The following RELA variants were observed in gnomAD, a reference collection of about 807,000 sequenced individuals.
The protein encoded by RELA is transcription factor p65.
RELA carries 14 observed loss-of-function variants against 56.7 expected under a neutral mutation model. The observed-to-expected ratio is 0.25, with a 90% CI of 0.16 to 0.39. The LOEUF (loss-of-function observed/expected upper bound fraction) is 0.39, where lower values mean the gene tolerates loss of function less well. Ranked by LOEUF, RELA falls within the 10% of genes least tolerant of loss-of-function variation. The probability of loss-of-function intolerance (pLI) is 1.00; values close to 1 mark genes in which losing one functional copy is unlikely to be tolerated. For synonymous variants in RELA, 315 were observed against 289.7 expected, an observed-to-expected ratio of 1.09 and a Z score of -0.89; for missense variants, 559 against 736.4, an observed-to-expected ratio of 0.76 and a Z score of 2.79.
Position 65,654,195 on chromosome 11 carries a change from C to G in RELA, c.*183G>C. The G allele has an allele frequency of 1.2e-6, 1 of 818,126 alleles. No homozygotes were observed. The highest frequency in any genetic ancestry group is 2.1e-6 in the Non-Finnish European group (1 of 487,728). The allele number at this position is 818,126 out of a possible 1,614,324, so 50.7% of individuals were successfully genotyped here. On this transcript the variant is annotated 3_prime_UTR_variant, in exon 11 of 11. Transcript: ENST00000406246. ...GAAGTTAATGCTTCTGCTTAAGCAC[C>G]TCCAAAAAGAGAGAGAGATACAGAT...
At chr11:65,663,490 C>T (rs1489298276), upstream of RELA, among the ~76,000 whole-genome samples, 1 of 152,190 alleles carries the variant, frequency 6.6e-6, no homozygotes, top group Non-Finnish European at 1.5e-5. Context: ...AAGAGCTTTG[C>T]GGAGCCTACA....
Position 65,659,725 on chromosome 11 carries a change from T to C in RELA, c.500A>G (p.Asp167Gly). 1 of 1,613,854 alleles carries C rather than the reference T, an allele frequency of 6.2e-7. No homozygotes were observed. Among genetic ancestry groups the C allele is most frequent in the Non-Finnish European group, 8.5e-7 (1 of 1,179,986 alleles). ...VRLCFQVTVR[D>G]PSGRPLRLPP... ...CAGGCGGAGGGGCCTGCCTGATGGG[T>C]CCCGCACTGTCACCTGGAAGCAGAG... The change falls in exon 6 of 11, where the codon GAC becomes GGC. Residue 167 changes from aspartate (D) to glycine (G), a missense_variant. Physicochemically the swap from Asp to Gly is moderately conservative, Grantham distance 94. Coordinates refer to ENST00000406246, the MANE Select transcript of RELA (RefSeq NM_021975.4).
At chr11:65,661,419 G>A (rs192765499) in intron 4 of RELA, 7 of 374,760 alleles carry the variant, frequency 1.9e-5, no homozygotes, top group African/African-American at 4.1e-5. Context: ...AACAAGAGAC[G>A]TGACTCTGAG....
chr11:65,657,942 T>C (rs917956021), intron 8 of RELA, among the ~76,000 whole-genome samples: 9 of 152,220 alleles, frequency 5.9e-5, no homozygotes, highest in Admixed American at 5.9e-4. Flanking sequence ...AAAAGGATCC[T>C]GAAGCCAGAT....
rs1333849831 is a variant in RELA at position 65,655,009 on chromosome 11, G to A, written c.1034-9C>T. On this transcript the variant is annotated splice_polypyrimidine_tract_variant and intron_variant, in intron 10 of 10. Coordinates refer to ENST00000406246, the MANE Select transcript of RELA (RefSeq NM_021975.4). The stretch of plus-strand genomic sequence containing the variant: ...GGGATAGGGCTGGGGTGCTGGAGGA[G>A]AGAGACAGAGAGGCAGGGGTCAGAG... The A allele has an allele frequency of 3.2e-6, 5 of 1,585,480 alleles. No homozygotes were observed. Among genetic ancestry groups the A allele is most frequent in the Non-Finnish European group, 3.4e-6 (4 of 1,165,532 alleles).
intron 10 of RELA, 27 bp from the exon 11 acceptor site, chr11:65,655,027 G>C: frequency 6.4e-7 from 1 of 1,559,570 alleles, no homozygotes; most frequent in Non-Finnish European, 8.7e-7. Flanking sequence ...GAGAGGCAGG[G>C]GTCAGAGAAA....
rs1237265083 is a variant in RELA at position 65,654,591 on chromosome 11, G to A, written c.1443C>T (p.Gly481=). Reference sequence around the variant, plus strand: ...CAGTTGTGTGGGGGGCCACAGGTATGCCCTGGTTCAGCAGCTGCTGAAACT... The same window carrying A: ...CAGTTGTGTGGGGGGCCACAGGTATACCCTGGTTCAGCAGCTGCTGAAACT... ...NSEFQQLLNQ[G]IPVAPHTTEP... The change falls in exon 11 of 11, where the codon GGC becomes GGT. Residue 481 remains glycine, a synonymous_variant. Transcript: ENST00000406246. 1 of 1,613,510 alleles carries A rather than the reference G, an allele frequency of 6.2e-7. No homozygotes were observed. The highest frequency in any genetic ancestry group is 2.2e-5 in the East Asian group (1 of 44,884).
intron 6 of RELA, among the ~76,000 whole-genome samples, chr11:65,659,346 G>A (rs1565190830): frequency 6.6e-6 from 1 of 152,140 alleles, no homozygotes; most frequent in Non-Finnish European, 1.5e-5. Flanking sequence ...ACACTATCTT[G>A]TTCCTGGGAG....
Position 65,654,765 on chromosome 11 carries a change from T to C in RELA, c.1269A>G (p.Pro423=). ...LAPGPPQAVA[P]PAPKPTQAGE... ...CAGCCTGGGTGGGCTTGGGGGCAGG[T>C]GGGGCCACAGCCTGAGGAGGGCCTG... Residue 423 remains proline (P), a synonymous_variant, in exon 11 of 11, where the codon CCA becomes CCG. Coordinates refer to ENST00000406246, the MANE Select transcript of RELA (RefSeq NM_021975.4). The C allele has an allele frequency of 6.6e-7, 1 of 1,504,716 alleles. No individual in the cohort carries two copies. The highest frequency in any genetic ancestry group is 8.9e-7 in the Non-Finnish European group (1 of 1,125,456). 93.2% of individuals were successfully genotyped at this position (1,504,716 alleles called of 1,614,324 possible). A position where few individuals can be genotyped will look rare whatever the true frequency, so the allele number is the denominator to read the frequency against.
At chr11:65,656,703 G>A (rs1856438386) in intron 8 of RELA, among the ~76,000 whole-genome samples, 1 of 152,192 alleles carries the variant, frequency 6.6e-6, no homozygotes, top group African/African-American at 2.4e-5. Flanking sequence ...TAGTGAAAAA[G>A]TGAGAGGGAC....
intron 4 of RELA, among the ~76,000 whole-genome samples, chr11:65,660,996 G>A (rs938352737): frequency 6.1e-5 from 9 of 146,830 alleles, no homozygotes; most frequent in African/African-American, 1.3e-4. Flanking sequence ...CTGAGATCGC[G>A]CCACTGCACT....
In RELA at chr11:65,656,021, G is replaced by A. The variant is rs553697572; in HGVS notation, c.878-86C>T. On this transcript the variant is annotated intron_variant, in intron 8 of 10. Coordinates refer to ENST00000406246, the MANE Select transcript of RELA (RefSeq NM_021975.4). ...AAAGGTCCCTCAGGAGGAAGGGGAG[G>A]AGCCAGGCTTTCCCAAGACCCATTC... 4 of 1,141,064 alleles carry A rather than the reference G, an allele frequency of 3.5e-6. No individual in the cohort carries two copies. The African/African-American group carries it at 4.6e-5, about 13-fold the overall frequency. 70.7% of individuals were successfully genotyped at this position (1,141,064 alleles called of 1,614,324 possible).
At position 65,654,880 on chromosome 11, in the gene RELA, T is replaced by C. The variant is rs779659272; in HGVS notation, c.1154A>G (p.Gln385Arg). Residue 385 changes from glutamine (Q) to arginine (R), a missense_variant, in exon 11 of 11, where the codon CAA becomes CGA. Gln to Arg is a conservative substitution (Grantham distance 43, BLOSUM62 1). Transcript: ENST00000406246. ...QASALAPAPP[Q>R]VLPQAPAPAP... is the part of the protein sequence containing the mutation. ...AGGGGCTGGAGCCTGGGGCAGGACTTGGGGAGGGGCCGGGGCCAAGGCCGA... is the reference window on the plus strand; with the variant it reads ...AGGGGCTGGAGCCTGGGGCAGGACTCGGGGAGGGGCCGGGGCCAAGGCCGA... 2.5e-6 allele frequency: 4 copies of C among 1,575,694 alleles called. No homozygotes were observed. Among genetic ancestry groups the C allele is most frequent in the Non-Finnish European group, 3.5e-6 (4 of 1,159,278 alleles).
At chr11:65,656,553 ATCT>A (rs1302940641) in intron 8 of RELA, among the ~76,000 whole-genome samples, 6 of 152,168 alleles carry the variant, frequency 3.9e-5, no homozygotes, top group South Asian at 2.1e-4. Flanking sequence ...TGGAATGATT[ATCT>A]TCTTTTCTCT....
chr11:65,660,020 A>G, intron 5 of RELA, 104 bp downstream of exon 5: 1 of 1,286,886 alleles, frequency 7.8e-7, no homozygotes, highest in Non-Finnish European at 1.1e-6. Flanking sequence ...AATGGGCACC[A>G]AGATTCCAGC....
At chr11:65,660,993 C>G (rs1197786223) in intron 4 of RELA, among the ~76,000 whole-genome samples, 1 of 146,760 alleles carries the variant, frequency 6.8e-6, no homozygotes, top group African/African-American at 2.5e-5. Context: ...GAGCTGAGAT[C>G]GCGCCACTGC....
intron 8 of RELA, 93 bp from the exon 9 acceptor site, chr11:65,656,028 G>T: frequency 9.6e-7 from 1 of 1,038,122 alleles, no homozygotes; most frequent in Non-Finnish European, 1.5e-6. Flanking sequence ...GAGGAGCCAG[G>T]CTTTCCCAAG....
At chr11:65,657,403 AGTCT>A (rs1434487741) in intron 8 of RELA, among the ~76,000 whole-genome samples, 4 of 148,686 alleles carry the variant, frequency 2.7e-5, no homozygotes, top group Middle Eastern at 3.3e-3. Context: ...CCCTGCTTTG[AGTCT>A]GTCTGTCTCT....
chr11:65,660,064 G>GA, intron 5 of RELA, 60 bp downstream of exon 5: 3 of 1,521,598 alleles, frequency 2.0e-6, no homozygotes, highest in East Asian at 2.3e-5. Flanking sequence ...GGAGATGCAG[G>GA]AAAGGCGGGC....
Sources: gnomAD v4.1 joint callset for allele counts (sites outside exome capture counted in the v4.1 genomes callset) on GRCh38, gnomAD v4.1.1 for gene constraint, MANE v1.5 for transcripts, NCBI Gene and HGNC (gene_info 2026-07-23, HGNC 2026-07-21) for gene names.